Variants in NOMO3 observed in about 807,000 individuals in gnomAD.
NOMO3 encodes BOS complex subunit NOMO3.
NOMO3 carries 15 observed loss-of-function variants against 69.9 expected under a neutral mutation model. The observed-to-expected ratio is 0.21, with a 90% CI of 0.14 to 0.33. NOMO3 has a LOEUF of 0.33. Among genes scored for constraint, NOMO3 ranks in the 10% least tolerant of loss-of-function variants. The pLI is 1.00. For missense variants in NOMO3, 218 were observed against 761.0 expected (o/e 0.29, Z 8.39); for synonymous variants, 89 against 301.9 (o/e 0.29, Z 7.31).
At chr16:16,265,348 T>C in intron 15 of NOMO3, 169 bp downstream of exon 15, 2 of 1,154,876 alleles carry the variant, frequency 1.7e-6, no homozygotes, top group Non-Finnish European at 2.4e-6. Flanking sequence ...ATTTATACTC[T>C]CTCAGTGGAA....
At chr16:16,269,265 C>A (rs2049643332) in intron 16 of NOMO3, among the ~76,000 whole-genome samples, 1 of 141,078 alleles carries the variant, frequency 7.1e-6, no homozygotes, top group African/African-American at 3.0e-5. Flanking sequence ...TTGTGGCTGT[C>A]AAATGCTCCC....
At position 16,255,729 on chromosome 16, in the gene NOMO3, C is replaced by T; in HGVS notation, c.973C>T (p.His325Tyr). 1 of 1,591,178 alleles carries T rather than the reference C, an allele frequency of 6.3e-7. No individual in the cohort carries two copies. The highest frequency in any genetic ancestry group is 8.5e-7 in the Non-Finnish European group (1 of 1,177,708). The stretch of plus-strand genomic sequence containing the variant: ...GTTCTTTGTTTTCTAGCCCGTGTTC[C>T]ACGTCATGGGATTCTCCGTCACCGG... ...HDSLKIEPVF[H>Y]VMGFSVTGRV... Residue 325 changes from histidine to tyrosine, a missense_variant, in exon 10 of 31, where the codon CAC becomes TAC. Coordinates refer to ENST00000399336, the MANE Select transcript of NOMO3 (RefSeq NM_001004067.4).
chr16:16,269,063 C>A lies in NOMO3; in HGVS notation c.1895-1058C>A, dbSNP rs1264688075. ...GATGCCTGTTGAGGAAACAATGAGC[C>A]AGCCTGTGAGGCAGATGCTGTTCTC... On this transcript the variant is annotated intron_variant, in intron 16 of 30. Coordinates refer to ENST00000399336, the MANE Select transcript of NOMO3 (RefSeq NM_001004067.4). Among the ~76,000 whole-genome samples the A allele has an allele frequency of 1.4e-5, 2 of 142,052 alleles. 1 individual carries two copies. Among genetic ancestry groups the A allele is most frequent in the African/African-American group, 5.9e-5 (2 of 33,802 alleles). The allele number at this position is 142,052 out of a possible 152,430, so 93.2% of individuals were successfully genotyped here. A position where few individuals can be genotyped will look rare whatever the true frequency, so the allele number is the denominator to read the frequency against.
At position 16,243,243 on chromosome 16, in the gene NOMO3, G is replaced by C; in HGVS notation, c.384G>C (p.Gly128=). 9.3e-7 allele frequency: 1 copy of C among 1,074,736 alleles called. No homozygotes were observed. Among genetic ancestry groups the C allele is most frequent in the South Asian group, 1.6e-5 (1 of 63,152 alleles). The allele number at this position is 1,074,736 out of a possible 1,614,324, so 66.6% of individuals were successfully genotyped here. A position where few individuals can be genotyped will look rare whatever the true frequency, so the allele number is the denominator to read the frequency against. Residue 128 remains glycine, a synonymous_variant, in exon 4 of 31, where the codon GGG becomes GGC. Coordinates refer to ENST00000399336, the MANE Select transcript of NOMO3 (RefSeq NM_001004067.4). ...KGGDINFVFT[G]FSVNGKVLSK... The stretch of plus-strand genomic sequence containing the variant: ...GGGACATCAACTTTGTCTTCACTGG[G>C]TTCTCTGTGAATGGCAAGGTTTGTC...
intron 3 of NOMO3, among the ~76,000 whole-genome samples, chr16:16,240,245 A>G (rs2049364623): frequency 6.9e-6 from 1 of 144,020 alleles, no homozygotes; most frequent in African/African-American, 2.8e-5. Context: ...TAGCCCCCTC[A>G]GTTTTTTAAG....
intron 6 of NOMO3, among the ~76,000 whole-genome samples, chr16:16,249,087 T>C (rs914487261): frequency 1.4e-5 from 2 of 146,592 alleles, no homozygotes; most frequent in Non-Finnish European, 3.0e-5. Context: ...TCTGTGTTAG[T>C]ATTGAAGCTG....
intron 11 of NOMO3, 40 bp downstream of exon 11, chr16:16,256,198 G>C (rs1309763415): frequency 5.1e-6 from 8 of 1,578,928 alleles, no homozygotes; most frequent in Non-Finnish European, 6.8e-6. Context: ...CAGTAAATAT[G>C]CTGGCAGCCA....
rs779176183 is a variant in NOMO3, at chr16:16,263,236, A to G, written c.1537+21A>G. 6 of 1,594,984 alleles carry G rather than the reference A, an allele frequency of 3.8e-6. 1 individual carries two copies. The African/African-American group carries it at 9.1e-5, about 24-fold the overall frequency. ...TTTGGGTAAGATATCACTGGAAAGTAAGAACACATAGTTTCAAAGAAGTCA... is the reference window on the plus strand; with the variant it reads ...TTTGGGTAAGATATCACTGGAAAGTGAGAACACATAGTTTCAAAGAAGTCA... On this transcript the variant is annotated intron_variant, in intron 13 of 30. Coordinates refer to ENST00000399336, the MANE Select transcript of NOMO3 (RefSeq NM_001004067.4).
chr16:16,243,603 G>A lies in NOMO3; in HGVS notation c.402+342G>A, dbSNP rs2049392107. Among the ~76,000 whole-genome samples, 2 of 141,566 alleles carry A rather than the reference G, an allele frequency of 1.4e-5. 1 individual carries two copies. The highest frequency in any genetic ancestry group is 5.8e-5 in the African/African-American group (2 of 34,324). The allele number at this position is 141,566 out of a possible 152,430, so 92.9% of individuals were successfully genotyped here. On this transcript the variant is annotated intron_variant, in intron 4 of 30. Coordinates refer to ENST00000399336, the MANE Select transcript of NOMO3 (RefSeq NM_001004067.4). ...GACTCACTGCAGCCTCCACCTCCCA[G>A]GTTCAAGTGATTCTCCTGCCTCACC... is the stretch of plus-strand genomic sequence containing the variant.
At chr16:16,266,702 G>A (rs1473073672) in intron 15 of NOMO3, 5 of 461,946 alleles carry the variant, frequency 1.1e-5, no homozygotes, top group South Asian at 1.9e-5. Context: ...TCACAGCTTC[G>A]TTACTGACCA....
Position 16,235,798 on chromosome 16 carries a change from A to G in NOMO3, c.166-1103A>G, listed in dbSNP as rs1233393446. On this transcript the variant is annotated intron_variant, in intron 1 of 30. Transcript: ENST00000399336. The stretch of plus-strand genomic sequence containing the variant: ...GCTGGGATTACAGGCATGAGCCACC[A>G]TGCCTGGCCGCAAACTGATTTTTCT... The G allele has an allele frequency of 3.4e-5, 15 of 439,118 alleles. 1 individual carries two copies. Among genetic ancestry groups the G allele is most frequent in the Admixed American group, 2.0e-4 (8 of 40,832 alleles). 27.2% of individuals were successfully genotyped at this position (439,118 alleles called of 1,614,324 possible).
chr16:16,248,395 CTTTTTT>C (rs1243080622), intron 6 of NOMO3, among the ~76,000 whole-genome samples: 1 of 65,308 alleles, frequency 1.5e-5, no homozygotes, highest in Non-Finnish European at 3.0e-5. Context: ...CAGATACAGT[CTTTTTT>C]TTTTTTTTTT....
At chr16:16,235,308 T>G (rs995627689) in intron 1 of NOMO3, among the ~76,000 whole-genome samples, 15 of 150,248 alleles carry the variant, frequency 1.0e-4, no homozygotes, top group Non-Finnish European at 2.1e-4. Context: ...AGCATTAACA[T>G]TTTGGAGGTG....
Position 16,263,391 on chromosome 16 carries a change from C to T in NOMO3, c.1538-122C>T, listed in dbSNP as rs185232185. 1.0e-5 allele frequency: 16 copies of T among 1,549,180 alleles called. 3 individuals are homozygous for T. The East Asian group carries it at 3.5e-4, about 34-fold the overall frequency. ...AACTTGAAAGAAGCGCTCCGTCTGC[C>T]TCCGGCCACTGCCTCTTAGGAGCTC... is the stretch of plus-strand genomic sequence containing the variant. On this transcript the variant is annotated intron_variant, in intron 13 of 30. Transcript: ENST00000399336.
At chr16:16,265,394 C>G in intron 15 of NOMO3, 1 of 595,440 alleles carries the variant, frequency 1.7e-6, no homozygotes, top group South Asian at 2.0e-5. Context: ...TTGTCCTGGC[C>G]CTACACTAAA....
rs71236031 is a variant in NOMO3, at chr16:16,256,123, A to G, written c.1185A>G (p.Pro395=). 2.9e-4 allele frequency: 455 copies of G among 1,576,232 alleles called. 172 individuals carry two copies. The highest frequency in any genetic ancestry group is 1.3e-3 in the African/African-American group (80 of 61,788). ...YFETVTIKIA[P]NTPQLADIVA... is the part of the protein sequence containing the mutation. ...AAACGGTCACCATCAAAATTGCACC[A>G]AACACACCTCAGCTGGCTGACATTG... The change falls in exon 11 of 31, where the codon CCA becomes CCG. Residue 395 remains proline (P), a synonymous_variant. Coordinates refer to ENST00000399336, the MANE Select transcript of NOMO3 (RefSeq NM_001004067.4).
chr16:16,240,388 C>A (rs1031222299), intron 3 of NOMO3, among the ~76,000 whole-genome samples: 1 of 144,594 alleles, frequency 6.9e-6, no homozygotes, highest in Non-Finnish European at 1.5e-5. Context: ...AGTTACTTCC[C>A]CCGTGTCAGC....
intron 6 of NOMO3, among the ~76,000 whole-genome samples, chr16:16,250,141 C>T (rs1433340255): frequency 1.5e-5 from 2 of 134,130 alleles, no homozygotes; most frequent in African/African-American, 3.2e-5. Flanking sequence ...TACAGCTGGA[C>T]GTTTGTCTTA....
chr16:16,234,122 T>C (rs534526139), intron 1 of NOMO3, among the ~76,000 whole-genome samples: 1 of 152,182 alleles, frequency 6.6e-6, no homozygotes, highest in South Asian at 2.1e-4. Context: ...ATCTACCCAC[T>C]GGCAGCGGCA....
Sources: allele counts gnomAD v4.1 joint callset (sites outside exome capture counted in the v4.1 genomes callset), GRCh38; gene constraint gnomAD v4.1.1; transcripts MANE v1.5; gene names NCBI Gene and HGNC (gene_info 2026-07-23, HGNC 2026-07-21).